ZNF880: variants seen among roughly 807,000 people sequenced by gnomAD.
ZNF880 encodes zinc finger protein LOC400713.
In ZNF880, 12 loss-of-function variants were observed where a neutral mutation model predicts 11.8. That is an observed-to-expected ratio of 1.02 (90% confidence interval 0.65 to 1.65). The LOEUF is 1.65. Ranked by LOEUF, ZNF880 falls within the 40% of genes most tolerant of loss-of-function variation. The probability of loss-of-function intolerance (pLI) is 0.00; values close to 1 mark genes in which losing one functional copy is unlikely to be tolerated. For missense variants in ZNF880, 601 were observed against 673.9 expected (o/e 0.89, Z 1.20); for synonymous variants, 210 against 232.4 (o/e 0.90, Z 0.88).
chr19:52,389,334 C>T (rs1340824308), downstream of ZNF880: 1 of 152,206 alleles, frequency 6.6e-6, no homozygotes, highest in East Asian at 1.9e-4. Context: ...TAGTTATTTC[C>T]TAGGTACAAT....
chr19:52,390,200 A>G (rs911289925), downstream of ZNF880: 5 of 177,130 alleles, frequency 2.8e-5, no homozygotes, highest in Non-Finnish European at 6.3e-5. Context: ...TCCTGCCTCA[A>G]ATCCTTCAGT....
At position 52,376,509 on chromosome 19, in the gene ZNF880, C is replaced by CTTTTTTT. The variant is rs869288387; in HGVS notation, c.268+2094_268+2100dup. On this transcript the variant is annotated intron_variant, in intron 3 of 3. Coordinates refer to ENST00000422689, the MANE Select transcript of ZNF880 (RefSeq NM_001145434.2). ...GTCCTTAGCACCGCCCCCCCCCCCC[C>CTTTTTTT]TTTTTTTTTTTTTTTTTTGAGACAG... Among the ~76,000 whole-genome samples, 131 of 58,318 alleles carry CTTTTTTT rather than the reference C, an allele frequency of 2.2e-3. 4 individuals carry two copies. The highest frequency in any genetic ancestry group is 2.8e-3 in the African/African-American group (39 of 13,732). The allele number at this position is 58,318 out of a possible 152,430, so 38.3% of individuals were successfully genotyped here.
rs1986768680 is a variant in ZNF880 at position 52,383,756 on chromosome 19, C to G, written c.269-93C>G. On this transcript the variant is annotated intron_variant, in intron 3 of 3. Transcript: ENST00000422689. ...AGTATGCTGATATTCCTTCCCATGT[C>G]TGAGTCAGGTGAGGCAGAATCTAGT... 7 of 1,304,056 alleles carry G rather than the reference C, an allele frequency of 5.4e-6. No homozygotes were observed. The Admixed American group carries it at 1.9e-4, about 35-fold the overall frequency. 80.8% of individuals were successfully genotyped at this position (1,304,056 alleles called of 1,614,324 possible). A position where few individuals can be genotyped will look rare whatever the true frequency, so the allele number is the denominator to read the frequency against.
intron 1 of ZNF880, among the ~76,000 whole-genome samples, chr19:52,372,138 A>G (rs998489123): frequency 8.6e-5 from 13 of 151,356 alleles, no homozygotes; most frequent in South Asian, 2.1e-4. Context: ...GCAGTGAGCC[A>G]AGATTGTGCC....
chr19:52,373,760 G>A (rs980309253), intron 2 of ZNF880, among the ~76,000 whole-genome samples: 10 of 136,664 alleles, frequency 7.3e-5, no homozygotes, highest in Admixed American at 3.4e-4. Context: ...TGCAACCTCC[G>A]CCTCCCGTTT....
chr19:52,395,796 C>A, the ZNF880 span: 1 of 152,188 alleles, frequency 6.6e-6, no homozygotes, highest in African/African-American at 2.4e-5. Context: ...GGAACACATC[C>A]TGTCCTTTTC....
the ZNF880 span, chr19:52,395,706 G>A: frequency 0.078 from 11,890 of 152,276 alleles, 643 homozygotes; most frequent in East Asian, 0.23. Context: ...GCTGGAAGGC[G>A]GCCCATCCTG....
At chr19:52,369,791 C>T (rs1986299740), upstream of ZNF880, 3 of 687,166 alleles carry the variant, frequency 4.4e-6, no homozygotes, top group East Asian at 5.5e-5. Context: ...TTCCAGATAG[C>T]TGAGTTCTTC....
upstream of ZNF880, among the ~76,000 whole-genome samples, chr19:52,368,074 T>C (rs573291184): frequency 6.9e-4 from 105 of 151,382 alleles, no homozygotes; most frequent in Non-Finnish European, 1.4e-3. Flanking sequence ...GGCCTGGTGG[T>C]GTGCACCTGT....
At position 52,385,587 on chromosome 19, in the gene ZNF880, C is replaced by T; in HGVS notation, c.*273C>T. ...TATGCTGAGGCTATTATTCAAGGAC[C>T]ATTACTATGGAACATGATAAGATTT... On this transcript the variant is annotated 3_prime_UTR_variant, in exon 4 of 4. Transcript: ENST00000422689. 3.2e-6 allele frequency: 1 copy of T among 312,846 alleles called. No homozygotes were observed. The highest frequency in any genetic ancestry group is 5.6e-6 in the Non-Finnish European group (1 of 178,420). 19.4% of individuals were successfully genotyped at this position (312,846 alleles called of 1,614,324 possible).
At chr19:52,388,282 C>CTTATTTTTTTTTTTTTTTT (rs1986945507), downstream of ZNF880, among the ~76,000 whole-genome samples, 1 of 63,424 alleles carries the variant, frequency 1.6e-5, no homozygotes, top group Non-Finnish European at 2.6e-5. Context: ...GCAATTTGAA[C>CTTATTTTTTTTTTTTTTTT]TTTTTTTTTT....
At position 52,384,084 on chromosome 19, in the gene ZNF880, T is replaced by G; in HGVS notation, c.504T>G (p.Ser168=). The G allele has an allele frequency of 6.3e-7, 1 of 1,586,042 alleles. No homozygotes were observed. Among genetic ancestry groups the G allele is most frequent in the Admixed American group, 1.8e-5 (1 of 54,432 alleles). Reference sequence around the variant, plus strand: ...AATACAGAAATGATTTTGATGATTCTCCATTTCTCCCACAAGAACAAAAAG... The same window carrying G: ...AATACAGAAATGATTTTGATGATTCGCCATTTCTCCCACAAGAACAAAAAG... ...LNKYRNDFDD[S]PFLPQEQKAQ... The change falls in exon 4 of 4, where the codon TCT becomes TCG. Residue 168 remains serine (S), a synonymous_variant. Transcript: ENST00000422689.
intron 3 of ZNF880, among the ~76,000 whole-genome samples, chr19:52,377,285 G>C (rs573955231): frequency 2.0e-5 from 3 of 152,032 alleles, no homozygotes; most frequent in African/African-American, 7.2e-5. Context: ...GCATGAAGGC[G>C]TCTCAACCCC....
At chr19:52,367,621 TA>T (rs1312653749), upstream of ZNF880, 1 of 152,042 alleles carries the variant, frequency 6.6e-6, no homozygotes, top group Non-Finnish European at 1.5e-5. Flanking sequence ...TATACTTAAG[TA>T]AGTATGATGT....
At chr19:52,393,898 G>T in the ZNF880 span, among the ~76,000 whole-genome samples, 2 of 143,844 alleles carry the variant, frequency 1.4e-5, no homozygotes, top group South Asian at 2.2e-4. Context: ...GTGCAGTGGC[G>T]CGATCTCAGC....
At chr19:52,393,876 G>A in the ZNF880 span, among the ~76,000 whole-genome samples, 14 of 112,022 alleles carry the variant, frequency 1.2e-4, no homozygotes, top group African/African-American at 1.7e-4. Context: ...TTGCTCTGTC[G>A]CCCAGGCTGG....
chr19:52,382,112 A>T (rs1287464762), intron 3 of ZNF880, among the ~76,000 whole-genome samples: 1 of 152,020 alleles, frequency 6.6e-6, no homozygotes, highest in Non-Finnish European at 1.5e-5. Context: ...CGTCTCTACT[A>T]AAAATACAAA....
rs769614968 is a variant in ZNF880, at chr19:52,373,128, G to A, written c.30G>A (p.Arg10=). The change falls in exon 2 of 4, where the codon AGG becomes AGA. Residue 10 remains arginine (R), a synonymous_variant. Coordinates refer to ENST00000422689, the MANE Select transcript of ZNF880 (RefSeq NM_001145434.2). MLRRGHLAF[R]DVAIEFPQEE... ...CATTTTAGGGACACTTGGCATTCAG[G>A]GACGTGGCCATAGAATTCCCTCAGG... 7 of 1,613,034 alleles carry A rather than the reference G, an allele frequency of 4.3e-6. No homozygotes were observed. The Admixed American group carries it at 1.0e-4, about 23-fold the overall frequency.
chr19:52,368,973 CAAAAAAAAAAAAAA>C (rs3029482), upstream of ZNF880, among the ~76,000 whole-genome samples: 3 of 71,854 alleles, frequency 4.2e-5, no homozygotes, highest in African/African-American at 1.1e-4. Context: ...GAGACCATCT[CAAAAAAAAAAAAAA>C]AAAAAAAAAA....
Sources: gnomAD v4.1 joint callset for allele counts (sites outside exome capture counted in the v4.1 genomes callset) on GRCh38, gnomAD v4.1.1 for gene constraint, MANE v1.5 for transcripts, NCBI Gene and HGNC (gene_info 2026-07-23, HGNC 2026-07-21) for gene names.